The following BCAS3 variants were observed in gnomAD, a reference collection of about 807,000 sequenced individuals.
The protein encoded by BCAS3 is BCAS3 microtubule associated cell migration factor.
In BCAS3, 53 loss-of-function variants were observed where a neutral mutation model predicts 116.1. The observed-to-expected ratio is 0.46, with a 90% CI of 0.37 to 0.57. BCAS3 has a LOEUF of 0.57. Ranked by LOEUF, BCAS3 falls within the 20% of genes least tolerant of loss-of-function variation. The pLI is 0.00. For missense variants in BCAS3, 917 were observed against 1,165.4 expected, an observed-to-expected ratio of 0.79 and a Z score of 3.10; for synonymous variants, 391 against 408.2, an observed-to-expected ratio of 0.96 and a Z score of 0.51.
rs1187802223 is a variant in BCAS3, at chr17:61,313,225, T to C, written c.2426-55102T>C. 6.6e-6 allele frequency among the ~76,000 whole-genome samples: 1 copy of C among 152,044 alleles called. No homozygotes were observed. The highest frequency in any genetic ancestry group is 2.4e-5 in the African/African-American group (1 of 41,376). Reference sequence around the variant, plus strand: ...ATTTTGCTCTAAGAGGAAACTAAGGTTCAAAGAACCAATACTTTCTCAATG... The same window carrying C: ...ATTTTGCTCTAAGAGGAAACTAAGGCTCAAAGAACCAATACTTTCTCAATG... On this transcript the variant is annotated intron_variant, in intron 22 of 23. Coordinates refer to ENST00000407086, the MANE Select transcript of BCAS3 (RefSeq NM_017679.5). This position sits in a 1 kb window ranked among gnomAD's most constrained non-coding sequence, Gnocchi z 4.3.
At position 61,288,367 on chromosome 17, in the gene BCAS3, G is replaced by C. The variant is rs569878881; in HGVS notation, c.2426-79960G>C. ...TTGATTCCAGAAAGCCTCTTAAAGT[G>C]GGGCTCTGTATGTTTCTTTGTTGGG... On this transcript the variant is annotated intron_variant, in intron 22 of 23. Coordinates refer to ENST00000407086, the MANE Select transcript of BCAS3 (RefSeq NM_017679.5). Among the ~76,000 whole-genome samples, 10 of 152,306 alleles carry C rather than the reference G, an allele frequency of 6.6e-5. No individual in the cohort carries two copies. In the South Asian group the frequency reaches 2.1e-3, roughly 32 times the overall value.
intron 5 of BCAS3, among the ~76,000 whole-genome samples, chr17:60,718,039 C>T (rs1413225938): frequency 1.1e-4 from 17 of 152,096 alleles, no homozygotes; most frequent in Admixed American, 9.8e-4. Flanking sequence ...TTAGGGTTCG[C>T]GCGCCTATGA....
chr17:60,746,791 A>G (rs1859249195), intron 5 of BCAS3, among the ~76,000 whole-genome samples: 1 of 152,158 alleles, frequency 6.6e-6, no homozygotes, highest in African/African-American at 2.4e-5. Flanking sequence ...GTTCTTTGCA[A>G]TAAGTATTGC....
Position 61,367,172 on chromosome 17 carries a change from G to C in BCAS3, c.2426-1155G>C, listed in dbSNP as rs573522475. Reference sequence around the variant, plus strand: ...AGGCCTGATAAAGAGTGCGTGTTTCGTGTACTTTTAACTTTGGGAAACGTT... The same window carrying C: ...AGGCCTGATAAAGAGTGCGTGTTTCCTGTACTTTTAACTTTGGGAAACGTT... On this transcript the variant is annotated intron_variant, in intron 22 of 23. Coordinates refer to ENST00000407086, the MANE Select transcript of BCAS3 (RefSeq NM_017679.5). This position sits in a 1 kb window ranked among gnomAD's most constrained non-coding sequence, Gnocchi z 6.2. 6.6e-6 allele frequency among the ~76,000 whole-genome samples: 1 copy of C among 152,328 alleles called. No individual in the cohort carries two copies. The highest frequency in any genetic ancestry group is 1.5e-5 in the Non-Finnish European group (1 of 68,042).
intron 5 of BCAS3, chr17:60,720,072 T>C (rs1054851971): frequency 6.6e-6 from 1 of 152,228 alleles, no homozygotes; most frequent in South Asian, 2.1e-4. Context: ...AAAGTTTCAG[T>C]GGTAAAAGTC....
chr17:61,210,616 G>A (rs113357874), intron 22 of BCAS3, among the ~76,000 whole-genome samples: 44 of 152,314 alleles, frequency 2.9e-4, no homozygotes, highest in African/African-American at 9.9e-4. Context: ...ATTGCTCTGT[G>A]ACCAGGTGCT....
intron 6 of BCAS3, among the ~76,000 whole-genome samples, chr17:60,770,359 T>C (rs1393505486): frequency 6.6e-6 from 1 of 151,118 alleles, no homozygotes; most frequent in Non-Finnish European, 1.5e-5. Flanking sequence ...TGTTACTTGC[T>C]TTTAGTCCTT....
At chr17:60,716,010 G>A (rs1386188748) in intron 5 of BCAS3, among the ~76,000 whole-genome samples, 2 of 152,082 alleles carry the variant, frequency 1.3e-5, no homozygotes, top group East Asian at 1.9e-4. Context: ...TTACGGGCAT[G>A]CGCCACCACA....
chr17:61,128,712 C>G lies in BCAS3; in HGVS notation c.2425+44148C>G. Reference sequence around the variant, plus strand: ...TGGAAACCAGCATATTGGCAGTCGTCTCACAACATGATTTTGCATTTACAT... The same window carrying G: ...TGGAAACCAGCATATTGGCAGTCGTGTCACAACATGATTTTGCATTTACAT... On this transcript the variant is annotated intron_variant, in intron 22 of 23. Transcript: ENST00000407086. This position sits in a 1 kb window ranked among gnomAD's most constrained non-coding sequence, Gnocchi z 4.1. The G allele has an allele frequency of 1.6e-6, 1 of 628,678 alleles. No individual in the cohort carries two copies. Among genetic ancestry groups the G allele is most frequent in the Non-Finnish European group, 2.0e-6 (1 of 504,550 alleles). The allele number at this position is 628,678 out of a possible 1,614,324, so 38.9% of individuals were successfully genotyped here.
intron 10 of BCAS3, chr17:60,891,708 T>G: frequency 2.2e-6 from 1 of 456,024 alleles, no homozygotes; most frequent in South Asian, 1.5e-5. Context: ...TACACAGGTA[T>G]ATTGTGTAAG....
At chr17:60,921,162 G>A (rs8081073) in intron 12 of BCAS3, among the ~76,000 whole-genome samples, 7,102 of 152,160 alleles carry the variant, frequency 0.047, 527 homozygotes, top group African/African-American at 0.16. Flanking sequence ...ATCAGCCTAA[G>A]TGCCCGCCAG....
Position 61,023,631 on chromosome 17 carries a change from G to A in BCAS3, c.1637+7730G>A, listed in dbSNP as rs1158293904. Reference sequence around the variant, plus strand: ...GATTGAAGACTTTGTGGCACCATGTGGCATTCAACAAAATGAATCAGTTGA... The same window carrying A: ...GATTGAAGACTTTGTGGCACCATGTAGCATTCAACAAAATGAATCAGTTGA... On this transcript the variant is annotated intron_variant, in intron 16 of 23. Transcript: ENST00000407086. This position sits in a 1 kb window ranked among gnomAD's most constrained non-coding sequence, Gnocchi z 4.8. 6.6e-6 allele frequency among the ~76,000 whole-genome samples: 1 copy of A among 152,016 alleles called. No individual in the cohort carries two copies. The highest frequency in any genetic ancestry group is 1.5e-5 in the Non-Finnish European group (1 of 67,984).
rs2143461831 is a variant in BCAS3 at position 61,362,964 on chromosome 17, T to G, written c.2426-5363T>G. ...GGTACCCCACCCAAAGGGTGTTGACTGCAAACTGACTGTCAAATTTCATAA... is the reference window on the plus strand; with the variant it reads ...GGTACCCCACCCAAAGGGTGTTGACGGCAAACTGACTGTCAAATTTCATAA... On this transcript the variant is annotated intron_variant, in intron 22 of 23. Transcript: ENST00000407086. The surrounding 1 kb of genome is among the most constrained non-coding windows in gnomAD (Gnocchi z 4.4). Among the ~76,000 whole-genome samples the G allele has an allele frequency of 6.6e-6, 1 of 152,364 alleles. No homozygotes were observed. Among genetic ancestry groups the G allele is most frequent in the Non-Finnish European group, 1.5e-5 (1 of 68,024 alleles).
At chr17:61,270,815 T>C (rs1488677478) in intron 22 of BCAS3, among the ~76,000 whole-genome samples, 1 of 152,122 alleles carries the variant, frequency 6.6e-6, no homozygotes, top group Admixed American at 6.5e-5. Flanking sequence ...CAATCTCGGC[T>C]CACCGCAACC....
chr17:60,809,318 T>C lies in BCAS3; in HGVS notation c.476+1242T>C, dbSNP rs1036234691. 2.7e-5 allele frequency among the ~76,000 whole-genome samples: 4 copies of C among 150,556 alleles called. No homozygotes were observed. The East Asian group carries it at 7.8e-4, about 29-fold the overall frequency. ...AGTTTGTGACTTAGATTTAATGCCA[T>C]CTGCAAAACAGATGAAAACAACTAT... On this transcript the variant is annotated intron_variant, in intron 7 of 23. Transcript: ENST00000407086.
intron 12 of BCAS3, among the ~76,000 whole-genome samples, chr17:60,920,050 CTTCAGA>C (rs761068800): frequency 7.9e-5 from 12 of 152,180 alleles, no homozygotes; most frequent in Non-Finnish European, 1.3e-4. Context: ...ACCCAAATTG[CTTCAGA>C]TTCAAAGACC....
chr17:60,867,055 A>G (rs1332929471), intron 7 of BCAS3, among the ~76,000 whole-genome samples: 22 of 151,278 alleles, frequency 1.5e-4, no homozygotes, highest in Admixed American at 1.4e-3. Context: ...GTTTTAAACT[A>G]TCAATTTAGA....
chr17:61,200,665 C>G lies in BCAS3; in HGVS notation c.2425+116101C>G, dbSNP rs1244815277. Among the ~76,000 whole-genome samples the G allele has an allele frequency of 1.3e-5, 2 of 152,152 alleles. No individual in the cohort carries two copies. The highest frequency in any genetic ancestry group is 3.8e-4 in the East Asian group (2 of 5,200). On this transcript the variant is annotated intron_variant, in intron 22 of 23. Transcript: ENST00000407086. The surrounding 1 kb of genome is among the most constrained non-coding windows in gnomAD (Gnocchi z 5.1). The stretch of plus-strand genomic sequence containing the variant: ...GGTATCCTCAGCTGTTTGGCTGGCT[C>G]TCTTATTATATTAGTATCTTTTTAC...
chr17:61,293,887 G>A (rs1339535421), intron 22 of BCAS3, among the ~76,000 whole-genome samples: 1 of 152,110 alleles, frequency 6.6e-6, no homozygotes, highest in Non-Finnish European at 1.5e-5. Flanking sequence ...CAGCCTCCCA[G>A]GTGTCTGGGA....
Sources: allele counts gnomAD v4.1 joint callset (sites outside exome capture counted in the v4.1 genomes callset), GRCh38; gene constraint gnomAD v4.1.1; non-coding constraint Gnocchi (gnomAD v3.1); transcripts MANE v1.5; gene names NCBI Gene and HGNC (gene_info 2026-07-23, HGNC 2026-07-21).